Variants in SMOC2 observed in about 807,000 individuals in gnomAD.
SMOC2 encodes SPARC related modular calcium binding 2.
SMOC2 carries 39 observed loss-of-function variants against 61.4 expected under a neutral mutation model. The ratio of observed to expected loss-of-function variants is 0.64; its 90% CI spans 0.49 to 0.83. The LOEUF (loss-of-function observed/expected upper bound fraction) is 0.83, where lower values mean the gene tolerates loss of function less well. Ranked by LOEUF, SMOC2 falls within the 40% of genes least tolerant of loss-of-function variation. The probability of loss-of-function intolerance (pLI) is 0.00; values close to 1 mark genes in which losing one functional copy is unlikely to be tolerated. For missense variants in SMOC2, 556 were observed against 592.9 expected, an observed-to-expected ratio of 0.94 and a Z score of 0.65; for synonymous variants, 247 against 239.9, an observed-to-expected ratio of 1.03 and a Z score of -0.27.
intron 1 of SMOC2, among the ~76,000 whole-genome samples, chr6:168,498,091 T>C (rs1464003846): frequency 6.6e-6 from 1 of 152,206 alleles, no homozygotes; most frequent in South Asian, 2.1e-4. Flanking sequence ...CTCGGACATA[T>C]TGTTTCCAGC....
chr6:168,659,565 G>A (rs1198100456), intron 11 of SMOC2, among the ~76,000 whole-genome samples: 2 of 150,862 alleles, frequency 1.3e-5, no homozygotes, highest in East Asian at 2.0e-4. Context: ...GATGGAGGTT[G>A]TAGGTTGAGT....
At position 168,453,341 on chromosome 6, in the gene SMOC2, TCTC is replaced by T. The variant is rs1242302028; in HGVS notation, c.84+11894_84+11896del. Among the ~76,000 whole-genome samples, 1 of 151,904 alleles carries T rather than the reference TCTC, an allele frequency of 6.6e-6. No homozygotes were observed. The highest frequency in any genetic ancestry group is 1.5e-5 in the Non-Finnish European group (1 of 67,954). ...TTCGGGCTGTGCCTTTGTCTCCGGG[TCTC>T]CTCCTCACTCTTCTCAGTCTACCCT... On this transcript the variant is annotated intron_variant, in intron 1 of 12. Transcript: ENST00000356284. This position sits in a 1 kb window ranked among gnomAD's most constrained non-coding sequence, Gnocchi z 4.4.
chr6:168,523,129 C>T (rs1275723174), intron 2 of SMOC2, among the ~76,000 whole-genome samples: 14 of 112,400 alleles, frequency 1.2e-4, no homozygotes, highest in Admixed American at 5.2e-4. Flanking sequence ...TCGCCCAGGC[C>T]GGACTGCGGA....
intron 2 of SMOC2, among the ~76,000 whole-genome samples, chr6:168,514,043 G>A (rs1057040276): frequency 1.1e-4 from 16 of 152,302 alleles, no homozygotes; most frequent in African/African-American, 3.6e-4. Flanking sequence ...TGCACAGGGG[G>A]CCCTCATGGG....
intron 9 of SMOC2, 47 bp from the exon 10 acceptor site, chr6:168,650,634 T>C (rs1162401640): frequency 6.4e-7 from 1 of 1,556,202 alleles, no homozygotes; most frequent in Admixed American, 1.7e-5. Flanking sequence ...GAGGAAAATC[T>C]GTTAGGCTTT....
chr6:168,618,030 C>T (rs377471654), intron 9 of SMOC2, among the ~76,000 whole-genome samples: 1 of 152,200 alleles, frequency 6.6e-6, no homozygotes, highest in Non-Finnish European at 1.5e-5. Context: ...TTTTAACCCA[C>T]CCATTTATTT....
chr6:168,495,438 C>A (rs1352771333), intron 1 of SMOC2, among the ~76,000 whole-genome samples: 1 of 152,206 alleles, frequency 6.6e-6, no homozygotes, highest in African/African-American at 2.4e-5. Context: ...TCCTTGGGAA[C>A]CTGAGTTTTT....
chr6:168,554,038 G>A (rs542562598), intron 7 of SMOC2, among the ~76,000 whole-genome samples: 5 of 146,348 alleles, frequency 3.4e-5, no homozygotes, highest in Admixed American at 1.4e-4. Context: ...GCATGTGCAC[G>A]GTGCCCCTTC....
intron 7 of SMOC2, among the ~76,000 whole-genome samples, chr6:168,578,622 G>A (rs556873971): frequency 4.6e-5 from 7 of 152,300 alleles, no homozygotes; most frequent in East Asian, 1.9e-4. Context: ...GCATGGCTTC[G>A]TTCTGGGGTT....
chr6:168,617,421 G>T (rs368595904), intron 9 of SMOC2, among the ~76,000 whole-genome samples: 2 of 152,120 alleles, frequency 1.3e-5, no homozygotes, highest in African/African-American at 4.8e-5. Context: ...ACCCAAGGAC[G>T]GGTCTCCCAG....
rs199591711 is a variant in SMOC2, at chr6:168,469,918, C to A, written c.84+28464C>A. Among the ~76,000 whole-genome samples, 27 of 152,324 alleles carry A rather than the reference C, an allele frequency of 1.8e-4. No individual in the cohort carries two copies. The East Asian group carries it at 2.1e-3, about 12-fold the overall frequency. On this transcript the variant is annotated intron_variant, in intron 1 of 12. Transcript: ENST00000356284. ...TTGGGTTGGAAGACTAAATTAGAAA[C>A]AATAATTTTCTCTAAGTTTTATCTG... is the stretch of plus-strand genomic sequence containing the variant.
chr6:168,574,929 G>A (rs944379296), intron 7 of SMOC2, among the ~76,000 whole-genome samples: 9 of 152,186 alleles, frequency 5.9e-5, no homozygotes, highest in African/African-American at 1.4e-4. Context: ...GCCGGGGTGC[G>A]GGGGCTGCTT....
chr6:168,623,787 C>A (rs1786310731), intron 9 of SMOC2, among the ~76,000 whole-genome samples: 1 of 152,120 alleles, frequency 6.6e-6, no homozygotes, highest in South Asian at 2.1e-4. Context: ...CCCTATCCCC[C>A]CAAAAAAATC....
At chr6:168,608,729 T>TA (rs1284779157) in intron 9 of SMOC2, among the ~76,000 whole-genome samples, 2 of 152,340 alleles carry the variant, frequency 1.3e-5, no homozygotes, top group African/African-American at 4.8e-5. Context: ...AGAGGTGAAT[T>TA]AAAATTTATA....
rs760241622 is a variant in SMOC2, at chr6:168,608,284, A to G, written c.907+45A>G. ...GTGGCCCGAATCCACAGGCCCCACCATGCAGTTTCTTGCAAATTTGGAATG... is the reference window on the plus strand; with the variant it reads ...GTGGCCCGAATCCACAGGCCCCACCGTGCAGTTTCTTGCAAATTTGGAATG... On this transcript the variant is annotated intron_variant, in intron 9 of 12. Coordinates refer to ENST00000356284, the MANE Select transcript of SMOC2 (RefSeq NM_001166412.2). 6.3e-6 allele frequency: 10 copies of G among 1,575,276 alleles called. No homozygotes were observed. The East Asian group carries it at 6.8e-5, about 11-fold the overall frequency.
rs1294835781 is a variant in SMOC2 at position 168,600,413 on chromosome 6, AAAAAAAAAC to A, written c.824+1418_824+1426del. Among the ~76,000 whole-genome samples, 217 of 24,900 alleles carry A rather than the reference AAAAAAAAAC, an allele frequency of 8.7e-3. 6 individuals are homozygous for A. The highest frequency in any genetic ancestry group is 0.024 in the African/African-American group (182 of 7,574). The allele number at this position is 24,900 out of a possible 152,430, so 16.3% of individuals were successfully genotyped here. On this transcript the variant is annotated intron_variant, in intron 8 of 12. Transcript: ENST00000356284. ...CAAGAGCGAAACTCTGCCTCAAAAAAAAAAAAAACAAAAAAAAAAACAAAAAAAAAAACA... is the reference window on the plus strand; with the variant it reads ...CAAGAGCGAAACTCTGCCTCAAAAAAAAAAAAAAAAACAAAAAAAAAAACA...
At chr6:168,641,707 C>T (rs979470856) in intron 9 of SMOC2, among the ~76,000 whole-genome samples, 9 of 152,158 alleles carry the variant, frequency 5.9e-5, no homozygotes, top group South Asian at 4.1e-4. Flanking sequence ...ATGGATGAGC[C>T]GAGGCAGGGC....
At chr6:168,507,481 C>T (rs574722322) in intron 1 of SMOC2, among the ~76,000 whole-genome samples, 72 of 152,310 alleles carry the variant, frequency 4.7e-4, no homozygotes, top group African/African-American at 1.6e-3. Context: ...ACCTGTGAGG[C>T]GCCTGTGACT....
chr6:168,574,143 A>G (rs1784738767), intron 7 of SMOC2, among the ~76,000 whole-genome samples: 1 of 152,274 alleles, frequency 6.6e-6, no homozygotes, highest in Non-Finnish European at 1.5e-5. Flanking sequence ...CTCTGTGGAT[A>G]GAGACCCTCC....
Sources: gnomAD v4.1 joint callset for allele counts (sites outside exome capture counted in the v4.1 genomes callset) on GRCh38, gnomAD v4.1.1 for gene constraint, Gnocchi (gnomAD v3.1) non-coding constraint, MANE v1.5 for transcripts, NCBI Gene and HGNC (gene_info 2026-07-23, HGNC 2026-07-21) for gene names.